TMEM132D: variants seen among roughly 807,000 people sequenced by gnomAD.
The protein encoded by TMEM132D is mature OL transmembrane protein.
TMEM132D carries 21 observed loss-of-function variants against 62.3 expected under a neutral mutation model. That is an observed-to-expected ratio of 0.34 (90% CI 0.24 to 0.49). The LOEUF (loss-of-function observed/expected upper bound fraction) is 0.49. Ranked by LOEUF, TMEM132D falls within the 20% of genes least tolerant of loss-of-function variation. The probability of loss-of-function intolerance (pLI) is 0.99; values close to 1 mark genes in which losing one functional copy is unlikely to be tolerated. For missense variants in TMEM132D, 1,346 were observed against 1,402.8 expected, an observed-to-expected ratio of 0.96 and a Z score of 0.65; for synonymous variants, 621 against 575.6, an observed-to-expected ratio of 1.08 and a Z score of -1.13.
At chr12:129,502,510 G>A (rs1293631199) in intron 3 of TMEM132D, among the ~76,000 whole-genome samples, 1 of 151,988 alleles carries the variant, frequency 6.6e-6, no homozygotes, top group Non-Finnish European at 1.5e-5. Flanking sequence ...AAAAGTCTTG[G>A]AAAAATATTG....
intron 6 of TMEM132D, among the ~76,000 whole-genome samples, chr12:129,083,899 C>T (rs1230482044): frequency 3.3e-5 from 5 of 152,150 alleles, no homozygotes; most frequent in Admixed American, 2.6e-4. Flanking sequence ...TACCAAGCAC[C>T]ATCGGGGTAA....
chr12:129,502,279 G>A (rs1318356526), intron 3 of TMEM132D, among the ~76,000 whole-genome samples: 1 of 152,262 alleles, frequency 6.6e-6, no homozygotes, highest in Middle Eastern at 3.4e-3. Context: ...GATTACAAGC[G>A]TGAGCCACGG....
intron 3 of TMEM132D, among the ~76,000 whole-genome samples, chr12:129,462,732 T>C (rs1214231003): frequency 6.6e-6 from 1 of 152,174 alleles, no homozygotes; most frequent in African/African-American, 2.4e-5. Flanking sequence ...CCTTGGGATA[T>C]GGTAGTAAAT....
At chr12:129,471,907 C>A (rs1874103137) in intron 3 of TMEM132D, among the ~76,000 whole-genome samples, 1 of 152,222 alleles carries the variant, frequency 6.6e-6, no homozygotes, top group South Asian at 2.1e-4. Context: ...GGCCCTAACT[C>A]TCTTCAGTTC....
In TMEM132D at chr12:129,114,831, C is replaced by T. The variant is rs548270368; in HGVS notation, c.1444-30129G>A. Among the ~76,000 whole-genome samples, 12 of 152,286 alleles carry T rather than the reference C, an allele frequency of 7.9e-5. No individual in the cohort carries two copies. In the South Asian group the frequency reaches 1.5e-3, roughly 18 times the overall value. ...TTAATGGAATGTTTGTGAGATTGGT[C>T]GCATTGTTGTGTGTGGTTGTATTTT... On this transcript the variant is annotated intron_variant, in intron 5 of 8. Coordinates refer to ENST00000422113, the MANE Select transcript of TMEM132D (RefSeq NM_133448.3).
intron 2 of TMEM132D, among the ~76,000 whole-genome samples, chr12:129,635,070 T>A (rs189113997): frequency 1.0e-3 from 152 of 152,362 alleles, no homozygotes; most frequent in African/African-American, 3.3e-3. Flanking sequence ...TATATGTAAT[T>A]ACATCTACAT....
At chr12:129,519,035 G>C (rs1458032846) in intron 3 of TMEM132D, among the ~76,000 whole-genome samples, 5 of 152,150 alleles carry the variant, frequency 3.3e-5, no homozygotes, top group African/African-American at 1.2e-4. Flanking sequence ...CCCAGTTACA[G>C]CCCAAGGAGG....
chr12:129,498,415 A>C (rs1019697002), intron 3 of TMEM132D, among the ~76,000 whole-genome samples: 7 of 151,938 alleles, frequency 4.6e-5, no homozygotes, highest in Admixed American at 4.6e-4. Flanking sequence ...CACCACCCTC[A>C]GCTAATTTTT....
intron 2 of TMEM132D, among the ~76,000 whole-genome samples, chr12:129,607,600 C>T (rs533436175): frequency 6.6e-6 from 1 of 152,290 alleles, no homozygotes; most frequent in East Asian, 1.9e-4. Context: ...GGCTTAGAGG[C>T]TACCACCCAG....
intron 3 of TMEM132D, among the ~76,000 whole-genome samples, chr12:129,361,919 C>G (rs796994945): frequency 1.2e-4 from 19 of 152,230 alleles, no homozygotes; most frequent in African/African-American, 4.3e-4. Context: ...TCAAGATAAG[C>G]CTTTTAGAAA....
rs191845513 is a variant in TMEM132D at position 129,178,951 on chromosome 12, G to A, written c.1443+30569C>T. ...CGGGGCTTTTGCTCTCGCCACACCC[G>A]GGACTCTGGGACCACTGTGTGAATG... On this transcript the variant is annotated intron_variant, in intron 5 of 8. Coordinates refer to ENST00000422113, the MANE Select transcript of TMEM132D (RefSeq NM_133448.3). 1.4e-4 allele frequency among the ~76,000 whole-genome samples: 22 copies of A among 152,210 alleles called. No homozygotes were observed. The East Asian group carries it at 3.5e-3, about 24-fold the overall frequency.
rs115316957 is a variant in TMEM132D at position 129,216,672 on chromosome 12, C to T, written c.1300-7009G>A. Among the ~76,000 whole-genome samples the T allele has an allele frequency of 5.8e-3, 879 of 152,262 alleles. 13 individuals carry two copies. Among genetic ancestry groups the T allele is most frequent in the African/African-American group, 0.02 (821 of 41,530 alleles). On this transcript the variant is annotated intron_variant, in intron 4 of 8. Transcript: ENST00000422113. ...GAGTGTCTCTTGTATTTAGCCATCA[C>T]GTTGTGTTACTTCATCACTTCAGTA...
intron 2 of TMEM132D, chr12:129,683,135 G>GAAAAAA (rs552044961): frequency 7.2e-6 from 1 of 139,410 alleles, no homozygotes; most frequent in Non-Finnish European, 1.6e-5. Flanking sequence ...TGCTCTTAAA[G>GAAAAAA]AAAAAAAAAA....
rs73416505 is a variant in TMEM132D, at chr12:129,099,064, G to A, written c.1444-14362C>T. Among the ~76,000 whole-genome samples, 761 of 152,296 alleles carry A rather than the reference G, an allele frequency of 5.0e-3. 3 individuals are homozygous for A. The highest frequency in any genetic ancestry group is 0.017 in the African/African-American group (719 of 41,574). On this transcript the variant is annotated intron_variant, in intron 5 of 8. Transcript: ENST00000422113. ...AGAAAGATGGAAATCTGTCAACACA[G>A]CCGGATAGACTTTTGTCACAAAGCA...
At chr12:129,210,735 G>T (rs1341119094) in intron 4 of TMEM132D, among the ~76,000 whole-genome samples, 1 of 152,160 alleles carries the variant, frequency 6.6e-6, no homozygotes, top group African/African-American at 2.4e-5. Flanking sequence ...ACAACGAATG[G>T]TGTTAATGTT....
chr12:129,292,253 CATA>C (rs1277733771), intron 4 of TMEM132D, among the ~76,000 whole-genome samples: 1 of 152,180 alleles, frequency 6.6e-6, no homozygotes, highest in Non-Finnish European at 1.5e-5. Context: ...GCTTGGTCTT[CATA>C]ATAATATTTT....
chr12:129,221,827 A>G (rs4760039), intron 4 of TMEM132D, among the ~76,000 whole-genome samples: 136,838 of 152,222 alleles, frequency 0.9, 61,562 homozygotes, highest in East Asian at 0.98. Flanking sequence ...CAAATAAATA[A>G]CAAACGCTGC....
intron 1 of TMEM132D, among the ~76,000 whole-genome samples, chr12:129,804,353 G>A (rs1871901151): frequency 9.9e-6 from 1 of 100,590 alleles, no homozygotes; most frequent in Non-Finnish European, 2.0e-5. Context: ...TGATCAAGTG[G>A]GCTTCATCCC....
chr12:129,319,042 T>C (rs1306890692), intron 4 of TMEM132D, among the ~76,000 whole-genome samples: 1 of 152,172 alleles, frequency 6.6e-6, no homozygotes, highest in Admixed American at 6.5e-5. Context: ...GCTACCTGCC[T>C]TCCAGCTGCG....
Sources: gnomAD v4.1 joint callset for allele counts (sites outside exome capture counted in the v4.1 genomes callset) on GRCh38, gnomAD v4.1.1 for gene constraint, MANE v1.5 for transcripts, NCBI Gene and HGNC (gene_info 2026-07-23, HGNC 2026-07-21) for gene names.